The following CNNM4 variants were observed in gnomAD, a reference collection of about 807,000 sequenced individuals.
The protein encoded by CNNM4 is metal transporter CNNM4.
In CNNM4, 32 loss-of-function variants were observed where a neutral mutation model predicts 53.7. The ratio of observed to expected loss-of-function variants is 0.60; its 90% CI spans 0.45 to 0.80. The LOEUF (loss-of-function observed/expected upper bound fraction) is 0.80, where lower values mean the gene tolerates loss of function less well. CNNM4 is among the 30% of genes least tolerant of loss of function. The pLI is 0.00. For synonymous variants in CNNM4, 410 were observed against 440.0 expected (o/e 0.93, Z 0.85); for missense variants, 784 against 1,022.0 (o/e 0.77, Z 3.17).
At chr2:96,793,235 GA>G (rs1272371031) in intron 1 of CNNM4, among the ~76,000 whole-genome samples, 1 of 152,136 alleles carries the variant, frequency 6.6e-6, no homozygotes, top group Admixed American at 6.5e-5. Context: ...ACTCCACCAT[GA>G]AAGGTCATTG....
intron 6 of CNNM4, 154 bp from the exon 7 acceptor site, chr2:96,809,166 G>C (rs538407064): frequency 6.7e-7 from 1 of 1,497,946 alleles, no homozygotes; most frequent in South Asian, 1.2e-5. Context: ...TCTCTTGTTC[G>C]TGCACCTTGT....
intron 1 of CNNM4, among the ~76,000 whole-genome samples, chr2:96,793,709 A>G (rs1170915697): frequency 2.0e-5 from 3 of 152,198 alleles, no homozygotes; most frequent in Non-Finnish European, 2.9e-5. Context: ...GACATCTGTA[A>G]TCCCAGCACC....
intron 1 of CNNM4, among the ~76,000 whole-genome samples, chr2:96,794,608 GT>G (rs1161658802): frequency 6.6e-6 from 1 of 152,128 alleles, no homozygotes; most frequent in Admixed American, 6.5e-5. Context: ...ATTGCTTTAG[GT>G]TGTTTCTGGT....
chr2:96,762,503 CTG>C, intron 1 of CNNM4, 102 bp downstream of exon 1: 1 of 1,140,430 alleles, frequency 8.8e-7, no homozygotes, highest in Non-Finnish European at 1.3e-6. Context: ...TTGTGTGACT[CTG>C]TGTCCCTTTG....
intron 1 of CNNM4, among the ~76,000 whole-genome samples, chr2:96,795,372 G>A (rs1264057782): frequency 2.0e-5 from 3 of 152,318 alleles, no homozygotes; most frequent in Admixed American, 6.5e-5. Flanking sequence ...TTTCAATCGA[G>A]TCCAGCCATG....
At chr2:96,786,375 T>C (rs1415502157) in intron 1 of CNNM4, among the ~76,000 whole-genome samples, 14 of 149,638 alleles carry the variant, frequency 9.4e-5, no homozygotes, top group Non-Finnish European at 3.0e-5. Flanking sequence ...GATCGTGCTA[T>C]TGCACTCCAG....
intron 1 of CNNM4, among the ~76,000 whole-genome samples, chr2:96,789,318 G>A (rs1484185686): frequency 2.0e-5 from 3 of 152,224 alleles, no homozygotes; most frequent in African/African-American, 7.2e-5. Context: ...AGGTGACACG[G>A]AGGCTGGGGA....
intron 1 of CNNM4, among the ~76,000 whole-genome samples, chr2:96,767,127 G>A (rs1415875058): frequency 6.6e-6 from 1 of 152,152 alleles, no homozygotes; most frequent in East Asian, 1.9e-4. Context: ...GGGCATCGAT[G>A]CAGAGGTAGG....
chr2:96,809,293 C>G (rs2079236142), intron 6 of CNNM4, 27 bp from the exon 7 acceptor site: 1 of 1,613,724 alleles, frequency 6.2e-7, no homozygotes, highest in Non-Finnish European at 8.5e-7. Flanking sequence ...GCCCCTCCCT[C>G]CATGAACTCA....
At chr2:96,763,118 C>CGACT (rs1310521538) in intron 1 of CNNM4, among the ~76,000 whole-genome samples, 1 of 152,102 alleles carries the variant, frequency 6.6e-6, no homozygotes, top group African/African-American at 2.4e-5. Flanking sequence ...GTAGCGCTTT[C>CGACT]GACTATTCAG....
At chr2:96,806,443 T>C (rs2079206781) in intron 5 of CNNM4, among the ~76,000 whole-genome samples, 1 of 151,756 alleles carries the variant, frequency 6.6e-6, no homozygotes, top group Admixed American at 6.6e-5. Context: ...CTCTTTTGTC[T>C]CATTTAATTT....
chr2:96,797,578 G>T lies in CNNM4; in HGVS notation c.1612G>T (p.Ala538Ser), dbSNP rs747389796. 2 of 1,614,236 alleles carry T rather than the reference G, an allele frequency of 1.2e-6. No homozygotes were observed. The highest frequency in any genetic ancestry group is 1.7e-6 in the Non-Finnish European group (2 of 1,180,040). The change falls in exon 3 of 7, where the codon GCG becomes TCG. Residue 538 changes from alanine to serine, a missense_variant. This residue lies in a region of CNNM4 where 307 missense variants were observed against 376.3 expected (regional missense o/e 0.82). Coordinates refer to ENST00000377075, the MANE Select transcript of CNNM4 (RefSeq NM_020184.4). This position sits in a 1 kb window ranked among gnomAD's most constrained non-coding sequence, Gnocchi z 6.0. ...NKRDFSAFKD[A>S]DNELKVKISP... ...GCGTGACTTCTCTGCCTTCAAGGAT[G>T]CGGACAATGAGCTCAAAGTGAAAAT...
At position 96,801,011 on chromosome 2, in the gene CNNM4, C is replaced by A; in HGVS notation, c.1948+1363C>A. ...CCGTCAGGTCTGCCTCTGTCCTGTG[C>A]CTGTGGTTCCGTGTCCTGTCTCCTG... On this transcript the variant is annotated intron_variant, in intron 5 of 6. Transcript: ENST00000377075. This position sits in a 1 kb window ranked among gnomAD's most constrained non-coding sequence, Gnocchi z 5.6. The A allele has an allele frequency of 1.2e-6, 1 of 800,454 alleles. No individual in the cohort carries two copies. The highest frequency in any genetic ancestry group is 1.5e-6 in the Non-Finnish European group (1 of 661,188). 49.6% of individuals were successfully genotyped at this position (800,454 alleles called of 1,614,324 possible). A position where few individuals can be genotyped will look rare whatever the true frequency, so the allele number is the denominator to read the frequency against.
chr2:96,765,777 T>C (rs1041634986), intron 1 of CNNM4, among the ~76,000 whole-genome samples: 2 of 150,242 alleles, frequency 1.3e-5, no homozygotes, highest in Admixed American at 6.6e-5. Context: ...GCTGTTCTTT[T>C]TTTCTTTCTT....
chr2:96,783,581 G>C (rs2078992075), intron 1 of CNNM4, among the ~76,000 whole-genome samples: 1 of 152,188 alleles, frequency 6.6e-6, no homozygotes, highest in South Asian at 2.1e-4. Flanking sequence ...TTGGTCTCCT[G>C]ATGCCTGATT....
chr2:96,786,099 A>G (rs921629241), intron 1 of CNNM4, among the ~76,000 whole-genome samples: 3 of 151,898 alleles, frequency 2.0e-5, no homozygotes, highest in Non-Finnish European at 4.4e-5. Flanking sequence ...ATAAAGAAAA[A>G]AAAAAGATAA....
chr2:96,786,032 A>C (rs2079013597), intron 1 of CNNM4, among the ~76,000 whole-genome samples: 1 of 151,572 alleles, frequency 6.6e-6, no homozygotes, highest in Non-Finnish European at 1.5e-5. Flanking sequence ...GCTTGCAATG[A>C]GCTGAGATCA....
chr2:96,765,948 T>C (rs1265976823), intron 1 of CNNM4, among the ~76,000 whole-genome samples: 2 of 150,700 alleles, frequency 1.3e-5, no homozygotes, highest in Non-Finnish European at 3.0e-5. Context: ...CACGCCCGGC[T>C]ATTTTTTGTA....
At position 96,810,798 on chromosome 2, in the gene CNNM4, G is replaced by A. The variant is rs947684245; in HGVS notation, c.*1281G>A. ...CCTCTTTCTCACACGTGTGATCCTA[G>A]CGTGAGAGGTCATCCTGCCCTTGCT... On this transcript the variant is annotated 3_prime_UTR_variant, in exon 7 of 7. Coordinates refer to ENST00000377075, the MANE Select transcript of CNNM4 (RefSeq NM_020184.4). This position sits in a 1 kb window ranked among gnomAD's most constrained non-coding sequence, Gnocchi z 4.1. 1 of 152,268 alleles carries A rather than the reference G, an allele frequency of 6.6e-6. No homozygotes were observed. The highest frequency in any genetic ancestry group is 1.9e-4 in the East Asian group (1 of 5,188). The allele number at this position is 152,268 out of a possible 1,614,324, so 9.4% of individuals were successfully genotyped here. A position where few individuals can be genotyped will look rare whatever the true frequency, so the allele number is the denominator to read the frequency against.
Sources: gnomAD v4.1 joint callset for allele counts (sites outside exome capture counted in the v4.1 genomes callset) on GRCh38, gnomAD v4.1.1 for gene constraint, gnomAD v4.1.1 regional missense constraint, Gnocchi (gnomAD v3.1) non-coding constraint, MANE v1.5 for transcripts, NCBI Gene and HGNC (gene_info 2026-07-23, HGNC 2026-07-21) for gene names.